MACROD1: variants seen among roughly 807,000 people sequenced by gnomAD.
The protein encoded by MACROD1 is mono-ADP ribosylhydrolase 1.
Under a neutral mutation model 41.4 loss-of-function variants are expected in MACROD1, and 31 were observed. The observed-to-expected ratio is 0.75, with a 90% CI of 0.56 to 1.01. The LOEUF is 1.01. MACROD1 is among the 50% of genes least tolerant of loss of function. MACROD1 has a pLI of 0.00. For missense variants in MACROD1, 473 were observed against 460.0 expected, an observed-to-expected ratio of 1.03 and a Z score of -0.26; for synonymous variants, 252 against 203.4, an observed-to-expected ratio of 1.24 and a Z score of -2.03.
In MACROD1 at chr11:63,999,637, C is replaced by T. The variant is rs951212920; in HGVS notation, c.786+5G>A. 5 of 1,609,814 alleles carry T rather than the reference C, an allele frequency of 3.1e-6. No homozygotes were observed. The Admixed American group carries it at 5.0e-5, about 16-fold the overall frequency. Reference sequence around the variant, plus strand: ...TCCCGCCCTCCCCCGCGGGCCGTCCCTCACCACCGAGCGGAGCCGGTGCTC... The same window carrying T: ...TCCCGCCCTCCCCCGCGGGCCGTCCTTCACCACCGAGCGGAGCCGGTGCTC... On this transcript the variant is annotated splice_donor_5th_base_variant and intron_variant, in intron 6 of 10. Coordinates refer to ENST00000255681, the MANE Select transcript of MACROD1 (RefSeq NM_014067.4).
intron 3 of MACROD1, among the ~76,000 whole-genome samples, chr11:64,022,967 T>G (rs1381395839): frequency 1.3e-5 from 2 of 148,622 alleles, no homozygotes; most frequent in African/African-American, 5.0e-5. Flanking sequence ...GTTCAAGAGA[T>G]TCTCCTGCCT....
At chr11:64,118,541 G>A in intron 3 of MACROD1, 1 of 446,220 alleles carries the variant, frequency 2.2e-6, no homozygotes, top group South Asian at 6.8e-5. Context: ...ACCAAGTTAT[G>A]CCAGTTGGGG....
At chr11:64,050,989 C>T (rs1943682866) in intron 3 of MACROD1, among the ~76,000 whole-genome samples, 1 of 152,244 alleles carries the variant, frequency 6.6e-6, no homozygotes, top group Non-Finnish European at 1.5e-5. Context: ...CTGAGCCCCA[C>T]TCCTGAATCC....
intron 3 of MACROD1, among the ~76,000 whole-genome samples, chr11:64,042,451 C>T (rs1943506111): frequency 6.6e-6 from 1 of 152,182 alleles, no homozygotes; most frequent in Non-Finnish European, 1.5e-5. Context: ...AGTGACAGCC[C>T]CTCCCCTAAG....
chr11:64,001,139 T>C (rs1323132716), intron 4 of MACROD1: 5 of 427,078 alleles, frequency 1.2e-5, no homozygotes, highest in African/African-American at 1.0e-4. Context: ...GCGGGAGGCA[T>C]GGAGGAAACG....
At chr11:64,143,351 G>A (rs1945440483) in intron 3 of MACROD1, among the ~76,000 whole-genome samples, 1 of 152,106 alleles carries the variant, frequency 6.6e-6, no homozygotes, top group Non-Finnish European at 1.5e-5. Context: ...TATAATGGGG[G>A]AAATGTCAGT....
chr11:64,079,412 G>T (rs1046234729), intron 3 of MACROD1, among the ~76,000 whole-genome samples: 3 of 152,048 alleles, frequency 2.0e-5, no homozygotes, highest in South Asian at 2.1e-4. Flanking sequence ...GGGATGGGGG[G>T]GTGTGCGAAG....
chr11:64,011,900 G>A (rs1943021316), intron 4 of MACROD1, among the ~76,000 whole-genome samples: 1 of 152,034 alleles, frequency 6.6e-6, no homozygotes, highest in Admixed American at 6.6e-5. Flanking sequence ...CTCAAAGGAT[G>A]GTGGGAGGAG....
At chr11:64,053,083 C>CTG (rs1943723177) in intron 3 of MACROD1, among the ~76,000 whole-genome samples, 1 of 152,212 alleles carries the variant, frequency 6.6e-6, no homozygotes, top group African/African-American at 2.4e-5. Flanking sequence ...TGATTCCCTC[C>CTG]AGCACGCTGG....
At chr11:64,141,165 T>C (rs1565256512) in intron 3 of MACROD1, among the ~76,000 whole-genome samples, 1 of 152,128 alleles carries the variant, frequency 6.6e-6, no homozygotes, top group East Asian at 1.9e-4. Context: ...GAATCCACAG[T>C]AGATGGGGCT....
intron 4 of MACROD1, among the ~76,000 whole-genome samples, chr11:64,000,941 GCGCGGGGAGGTGAGCC>G (rs1942814428): frequency 6.6e-6 from 1 of 152,140 alleles, no homozygotes; most frequent in Non-Finnish European, 1.5e-5. Context: ...TCTTCCAGCC[GCGCGGGGAGGTGAGCC>G]CGACGCCCGG....
At chr11:63,999,795 G>T (rs1407586017) in intron 5 of MACROD1, 32 bp from the exon 6 acceptor site, 3 of 1,589,020 alleles carry the variant, frequency 1.9e-6, no homozygotes, top group South Asian at 1.1e-5. Context: ...GACCGGCGGG[G>T]GTCTACGCGG....
chr11:64,085,403 G>C (rs1041198965), intron 3 of MACROD1, among the ~76,000 whole-genome samples: 1 of 152,242 alleles, frequency 6.6e-6, no homozygotes, highest in Non-Finnish European at 1.5e-5. Context: ...CCTGCCTTCC[G>C]GGGACGGAGG....
rs769167752 is a variant in MACROD1, at chr11:64,000,219, G to A, written c.664+8C>T. On this transcript the variant is annotated splice_region_variant and intron_variant, in intron 5 of 10. Transcript: ENST00000255681. ...CGCCCCACAGCTGGGGGCGCGTCGGGGACTCACACTTGGCCGGGAGCCGAT... is the reference window on the plus strand; with the variant it reads ...CGCCCCACAGCTGGGGGCGCGTCGGAGACTCACACTTGGCCGGGAGCCGAT... 50 of 1,601,996 alleles carry A rather than the reference G, an allele frequency of 3.1e-5. No homozygotes were observed. Among genetic ancestry groups the A allele is most frequent in the Non-Finnish European group, 3.4e-6 (4 of 1,174,944 alleles).
chr11:64,014,437 A>AT (rs987640499), intron 4 of MACROD1, among the ~76,000 whole-genome samples: 3 of 151,992 alleles, frequency 2.0e-5, no homozygotes, highest in Non-Finnish European at 4.4e-5. Context: ...TGCCCCTTTT[A>AT]TTTTTCCCCC....
In MACROD1 at chr11:63,998,892, G is replaced by A. The variant is rs986400203; in HGVS notation, c.974-20C>T. 1 of 1,595,558 alleles carries A rather than the reference G, an allele frequency of 6.3e-7. No homozygotes were observed. The highest frequency in any genetic ancestry group is 8.5e-7 in the Non-Finnish European group (1 of 1,172,646). On this transcript the variant is annotated intron_variant, in intron 9 of 10. Coordinates refer to ENST00000255681, the MANE Select transcript of MACROD1 (RefSeq NM_014067.4). ...CTCAGGCTGGAAGGCAGAGGACAGT[G>A]AGAGCCCGCCCCCAGGGTGGACCGG...
rs1014299788 is a variant in MACROD1 at position 64,096,608 on chromosome 11, G to A, written c.517+54631C>T. 1.3e-5 allele frequency among the ~76,000 whole-genome samples: 2 copies of A among 152,146 alleles called. No individual in the cohort carries two copies. Among genetic ancestry groups the A allele is most frequent in the Non-Finnish European group, 2.9e-5 (2 of 68,006 alleles). On this transcript the variant is annotated intron_variant, in intron 3 of 10. Transcript: ENST00000255681. The surrounding 1 kb of genome is among the most constrained non-coding windows in gnomAD (Gnocchi z 4.6). ...TTTTTTTATTTTTAGTAGACACGGG[G>A]GTATCAACATGTTGGCCAGGCTGGT...
In MACROD1 at chr11:64,120,221, G is replaced by C. The variant is rs556034191; in HGVS notation, c.517+31018C>G. Among the ~76,000 whole-genome samples, 2 of 152,322 alleles carry C rather than the reference G, an allele frequency of 1.3e-5. No individual in the cohort carries two copies. Among genetic ancestry groups the C allele is most frequent in the South Asian group, 2.1e-4 (1 of 4,830 alleles). On this transcript the variant is annotated intron_variant, in intron 3 of 10. Transcript: ENST00000255681. This position sits in a 1 kb window ranked among gnomAD's most constrained non-coding sequence, Gnocchi z 4.5. ...GGCACAGGCTCCCAGCACGGCCTGG[G>C]GGGGCTAGCCCACGAAATAGGTCCA... is the stretch of plus-strand genomic sequence containing the variant.
rs57155426 is a variant in MACROD1, at chr11:64,161,126, G to A, written c.298+4571C>T. Among the ~76,000 whole-genome samples, 513 of 152,166 alleles carry A rather than the reference G, an allele frequency of 3.4e-3. 2 individuals carry two copies. Among genetic ancestry groups the A allele is most frequent in the East Asian group, 0.019 (98 of 5,176 alleles). On this transcript the variant is annotated intron_variant, in intron 1 of 10. Coordinates refer to ENST00000255681, the MANE Select transcript of MACROD1 (RefSeq NM_014067.4). Reference sequence around the variant, plus strand: ...ACGGAGGTTGCAGTTAGCCAGGATCGTGCCACTACACTCCAGCCTGGGCGA... The same window carrying A: ...ACGGAGGTTGCAGTTAGCCAGGATCATGCCACTACACTCCAGCCTGGGCGA...
Sources: gnomAD v4.1 joint callset for allele counts (sites outside exome capture counted in the v4.1 genomes callset) on GRCh38, gnomAD v4.1.1 for gene constraint, Gnocchi (gnomAD v3.1) non-coding constraint, MANE v1.5 for transcripts, NCBI Gene and HGNC (gene_info 2026-07-23, HGNC 2026-07-21) for gene names.